The following HDLBP variants were observed in gnomAD, a reference collection of about 807,000 sequenced individuals.
The protein encoded by HDLBP is high density lipoprotein binding protein.
A neutral mutation model predicts 137.3 loss-of-function variants in HDLBP; 30 were observed. The observed-to-expected ratio is 0.22, with a 90% confidence interval of 0.16 to 0.30. The LOEUF is 0.30. HDLBP is among the 10% of genes least tolerant of loss of function. The pLI, the probability that HDLBP is intolerant of heterozygous loss-of-function variation, is 1.00. For missense variants in HDLBP, 1,119 were observed against 1,667.3 expected (o/e 0.67, Z 5.73); for synonymous variants, 606 against 596.0 (o/e 1.02, Z -0.24).
At chr2:241,260,907 T>A (rs148154646) in intron 5 of HDLBP, among the ~76,000 whole-genome samples, 1 of 151,788 alleles carries the variant, frequency 6.6e-6, no homozygotes, top group Non-Finnish European at 1.5e-5. Context: ...AAGGGGAGGA[T>A]TGGCTGGGCG....
At position 241,272,588 on chromosome 2, in the gene HDLBP, G is replaced by C; in HGVS notation, c.-102-4047C>G. 1.0e-6 allele frequency: 1 copy of C among 983,860 alleles called. No homozygotes were observed. The allele number at this position is 983,860 out of a possible 1,614,324, so 60.9% of individuals were successfully genotyped here. A position where few individuals can be genotyped will look rare whatever the true frequency, so the allele number is the denominator to read the frequency against. On this transcript the variant is annotated intron_variant, in intron 1 of 27. Coordinates refer to ENST00000310931, the MANE Select transcript of HDLBP (RefSeq NM_005336.6). The surrounding 1 kb of genome is among the most constrained non-coding windows in gnomAD (Gnocchi z 5.6). The stretch of plus-strand genomic sequence containing the variant: ...CGGAACCGCCACGCGCGGTAAGCAG[G>C]ACACCCGCGGGCGGGGGCCGCAGCC...
At chr2:241,276,594 C>A (rs939270997) in intron 1 of HDLBP, among the ~76,000 whole-genome samples, 2 of 152,140 alleles carry the variant, frequency 1.3e-5, no homozygotes, top group Admixed American at 1.3e-4. Flanking sequence ...CTAAACCATA[C>A]AGACATATAG....
chr2:241,301,808 C>T (rs964887259), intron 1 of HDLBP, among the ~76,000 whole-genome samples: 1 of 151,432 alleles, frequency 6.6e-6, no homozygotes, highest in Non-Finnish European at 1.5e-5. Flanking sequence ...AGATTTAAGG[C>T]AAAAAGTTTC....
chr2:241,252,917 AG>A, intron 11 of HDLBP, 39 bp downstream of exon 11: 1 of 1,425,032 alleles, frequency 7.0e-7, no homozygotes, highest in Non-Finnish European at 9.9e-7. Context: ...CAAGGGTCTC[AG>A]GGCACACTGG....
intron 24 of HDLBP, among the ~76,000 whole-genome samples, chr2:241,231,524 T>C (rs1161864738): frequency 1.3e-5 from 2 of 151,736 alleles, no homozygotes; most frequent in Admixed American, 6.6e-5. Flanking sequence ...GGAGAGACAC[T>C]AACAGGCAAG....
intron 14 of HDLBP, 100 bp downstream of exon 14, chr2:241,247,903 C>A: frequency 1.2e-6 from 1 of 805,464 alleles, no homozygotes; most frequent in Non-Finnish European, 2.1e-6. Flanking sequence ...ATGTGCTTTC[C>A]CCAGAGCAGG....
At position 241,304,463 on chromosome 2, in the gene HDLBP, C is replaced by T. The variant is rs115079895; in HGVS notation, c.-103+11107G>A. Among the ~76,000 whole-genome samples, 1,194 of 152,304 alleles carry T rather than the reference C, an allele frequency of 7.8e-3. 12 individuals are homozygous for T. Among genetic ancestry groups the T allele is most frequent in the African/African-American group, 0.027 (1,120 of 41,564 alleles). ...GAGTCTAGACTAGAAGCCAATCCCC[C>T]GAAGGCAGCCACAGATGGACTTGGT... On this transcript the variant is annotated intron_variant, in intron 1 of 27. Coordinates refer to ENST00000310931, the MANE Select transcript of HDLBP (RefSeq NM_005336.6).
rs895914894 is a variant in HDLBP at position 241,230,038 on chromosome 2, C to T, written c.3592-77G>A. ...TCCCGCCCGCCTGCTCACCCCTGCACCTCGCCTGCCTCTGGAAACACAAGT... is the reference window on the plus strand; with the variant it reads ...TCCCGCCCGCCTGCTCACCCCTGCATCTCGCCTGCCTCTGGAAACACAAGT... On this transcript the variant is annotated intron_variant, in intron 26 of 27. Coordinates refer to ENST00000310931, the MANE Select transcript of HDLBP (RefSeq NM_005336.6). This position sits in a 1 kb window ranked among gnomAD's most constrained non-coding sequence, Gnocchi z 5.0. 6.3e-7 allele frequency: 1 copy of T among 1,578,462 alleles called. No homozygotes were observed. Among genetic ancestry groups the T allele is most frequent in the Non-Finnish European group, 8.6e-7 (1 of 1,158,814 alleles).
In HDLBP at chr2:241,233,688, G is replaced by A; in HGVS notation, c.3288+132C>T. ...CAGCCCAAACCTCAAGCCAGAATTA[G>A]GTCCTGAGAGACTTGCCACTCTCAA... On this transcript the variant is annotated intron_variant, in intron 24 of 27. Coordinates refer to ENST00000310931, the MANE Select transcript of HDLBP (RefSeq NM_005336.6). The surrounding 1 kb of genome is among the most constrained non-coding windows in gnomAD (Gnocchi z 4.3). 1.1e-6 allele frequency: 1 copy of A among 918,780 alleles called. No homozygotes were observed. The highest frequency in any genetic ancestry group is 1.7e-6 in the Non-Finnish European group (1 of 595,406). The allele number at this position is 918,780 out of a possible 1,614,324, so 56.9% of individuals were successfully genotyped here.
At position 241,272,106 on chromosome 2, in the gene HDLBP, G is replaced by A. The variant is rs898891475; in HGVS notation, c.-102-3565C>T. ...AATGTATTTTTCATCCACGACCCTGGGGCACGTCCAAGTTGCACTCCAGGC... is the reference window on the plus strand; with the variant it reads ...AATGTATTTTTCATCCACGACCCTGAGGCACGTCCAAGTTGCACTCCAGGC... On this transcript the variant is annotated intron_variant, in intron 1 of 27. Transcript: ENST00000310931. This position sits in a 1 kb window ranked among gnomAD's most constrained non-coding sequence, Gnocchi z 5.6. 9.1e-6 allele frequency: 7 copies of A among 765,726 alleles called. No individual in the cohort carries two copies. The highest frequency in any genetic ancestry group is 1.3e-4 in the East Asian group (1 of 7,898). 47.4% of individuals were successfully genotyped at this position (765,726 alleles called of 1,614,324 possible). A position where few individuals can be genotyped will look rare whatever the true frequency, so the allele number is the denominator to read the frequency against.
Position 241,277,971 on chromosome 2 carries a change from C to CA in HDLBP, c.-102-9431dup, listed in dbSNP as rs543898720. 2.6e-5 allele frequency among the ~76,000 whole-genome samples: 4 copies of CA among 151,910 alleles called. No individual in the cohort carries two copies. The South Asian group carries it at 8.3e-4, about 32-fold the overall frequency. ...AGTGAAACTCCATCTCAAAAAAAAC[C>CA]AAAAAACAACAACAACAAAATAATA... On this transcript the variant is annotated intron_variant, in intron 1 of 27. Transcript: ENST00000310931.
intron 5 of HDLBP, among the ~76,000 whole-genome samples, chr2:241,262,417 T>G (rs2073275847): frequency 6.6e-6 from 1 of 152,106 alleles, no homozygotes; most frequent in African/African-American, 2.4e-5. Flanking sequence ...GAATAGCCAC[T>G]GCACAAGAGC....
intron 10 of HDLBP, 150 bp from the exon 11 acceptor site, chr2:241,253,185 C>A (rs2072336408): frequency 3.0e-6 from 2 of 670,818 alleles, no homozygotes. Context: ...CTGAAAGATG[C>A]CTTCTTCAAG....
At chr2:241,245,837 T>C (rs989382283) in intron 16 of HDLBP, among the ~76,000 whole-genome samples, 4 of 152,020 alleles carry the variant, frequency 2.6e-5, no homozygotes, top group Non-Finnish European at 4.4e-5. Context: ...AAAAATAACA[T>C]AGACTTTGGA....
chr2:241,307,995 T>C (rs527930253), intron 1 of HDLBP, among the ~76,000 whole-genome samples: 3 of 152,162 alleles, frequency 2.0e-5, no homozygotes, highest in Non-Finnish European at 4.4e-5. Flanking sequence ...AGGCAATGCA[T>C]TGATAGATAT....
chr2:241,283,648 G>C (rs1575018993), intron 1 of HDLBP, among the ~76,000 whole-genome samples: 1 of 142,848 alleles, frequency 7.0e-6, no homozygotes, highest in African/African-American at 2.5e-5. Context: ...CTAATTTTTT[G>C]TATTTTTAGT....
chr2:241,237,532 G>C (rs975314051), intron 20 of HDLBP, among the ~76,000 whole-genome samples: 2 of 152,206 alleles, frequency 1.3e-5, no homozygotes, highest in African/African-American at 4.8e-5. Context: ...GTGATCCTAG[G>C]ATGGGGAAGT....
intron 1 of HDLBP, among the ~76,000 whole-genome samples, chr2:241,295,942 C>T (rs544644975): frequency 2.6e-5 from 4 of 152,108 alleles, no homozygotes; most frequent in African/African-American, 4.8e-5. Context: ...TCCAAAACTG[C>T]GAGAGAATAC....
chr2:241,237,258 A>G (rs1443475920), intron 20 of HDLBP, among the ~76,000 whole-genome samples: 1 of 152,186 alleles, frequency 6.6e-6, no homozygotes, highest in Non-Finnish European at 1.5e-5. Context: ...CAGAAAGGGC[A>G]AGGCCAAGGT....
Sources: allele counts gnomAD v4.1 joint callset (sites outside exome capture counted in the v4.1 genomes callset), GRCh38; gene constraint gnomAD v4.1.1; non-coding constraint Gnocchi (gnomAD v3.1); transcripts MANE v1.5; gene names NCBI Gene and HGNC (gene_info 2026-07-23, HGNC 2026-07-21).